Variants in EPB41L1 observed in about 807,000 individuals in gnomAD.
The protein encoded by EPB41L1 is erythrocyte membrane protein band 4.1 like 1.
A neutral mutation model predicts 97.8 loss-of-function variants in EPB41L1; 29 were observed. The observed-to-expected ratio is 0.30, with a 90% CI of 0.22 to 0.40. The LOEUF is 0.40. Among genes scored for constraint, EPB41L1 ranks in the 10% least tolerant of loss-of-function variants. EPB41L1 has a pLI of 1.00. For synonymous variants in EPB41L1, 383 were observed against 459.2 expected, an observed-to-expected ratio of 0.83 and a Z score of 2.12; for missense variants, 812 against 1,162.3, an observed-to-expected ratio of 0.70 and a Z score of 4.38.
chr20:36,125,434 T>G (rs1176844002), intron 2 of EPB41L1: 4 of 808,426 alleles, frequency 4.9e-6, no homozygotes, highest in Non-Finnish European at 8.3e-6. Flanking sequence ...CTGCTGTTCG[T>G]ACCTGCCTCA....
chr20:36,094,732 T>C (rs1326447651), intron 1 of EPB41L1, among the ~76,000 whole-genome samples: 1 of 152,152 alleles, frequency 6.6e-6, no homozygotes. Flanking sequence ...AAAGCTGAGC[T>C]TTCTGTCCCC....
At chr20:36,129,174 T>C (rs1163062943) in intron 2 of EPB41L1, among the ~76,000 whole-genome samples, 1 of 151,600 alleles carries the variant, frequency 6.6e-6, no homozygotes, top group Non-Finnish European at 1.5e-5. Flanking sequence ...CTGGGAGTGG[T>C]TTGGTTTGCG....
intron 21 of EPB41L1, among the ~76,000 whole-genome samples, chr20:36,223,223 G>A (rs999952323): frequency 5.3e-5 from 8 of 151,988 alleles, no homozygotes; most frequent in African/African-American, 1.9e-4. Flanking sequence ...CAGTAGAGAC[G>A]GGGTTTTACC....
chr20:36,130,663 C>A (rs1454906830), intron 2 of EPB41L1, among the ~76,000 whole-genome samples: 1 of 152,196 alleles, frequency 6.6e-6, no homozygotes, highest in African/African-American at 2.4e-5. Flanking sequence ...AAGGCTGTGG[C>A]TGCCTTAGAG....
chr20:36,206,416 G>A lies in EPB41L1; in HGVS notation c.1669-3072G>A. On this transcript the variant is annotated intron_variant, in intron 14 of 21. Coordinates refer to ENST00000338074, the MANE Select transcript of EPB41L1 (RefSeq NM_012156.2). This position sits in a 1 kb window ranked among gnomAD's most constrained non-coding sequence, Gnocchi z 5.5. Reference sequence around the variant, plus strand: ...GTTTCTATTGGATCCAGCCCACGCAGAAGCCAGAGCTGAGTTGAGCAATGA... The same window carrying A: ...GTTTCTATTGGATCCAGCCCACGCAAAAGCCAGAGCTGAGTTGAGCAATGA... The A allele has an allele frequency of 1.6e-6, 2 of 1,290,024 alleles. No homozygotes were observed. Among genetic ancestry groups the A allele is most frequent in the Non-Finnish European group, 2.0e-6 (2 of 988,918 alleles). The allele number at this position is 1,290,024 out of a possible 1,614,324, so 79.9% of individuals were successfully genotyped here. A position where few individuals can be genotyped will look rare whatever the true frequency, so the allele number is the denominator to read the frequency against.
In EPB41L1 at chr20:36,223,449, T is replaced by C. The variant is rs192162587; in HGVS notation, c.2637+1055T>C. On this transcript the variant is annotated intron_variant, in intron 21 of 21. Coordinates refer to ENST00000338074, the MANE Select transcript of EPB41L1 (RefSeq NM_012156.2). Reference sequence around the variant, plus strand: ...GTGAATAAGAGAAATAAGATGATGTTGGGGCAGATAGGGCTTTTAAGCAAC... The same window carrying C: ...GTGAATAAGAGAAATAAGATGATGTCGGGGCAGATAGGGCTTTTAAGCAAC... Among the ~76,000 whole-genome samples the C allele has an allele frequency of 7.5e-4, 115 of 152,330 alleles. 1 individual carries two copies. The highest frequency in any genetic ancestry group is 2.7e-3 in the African/African-American group (113 of 41,570).
intron 1 of EPB41L1, among the ~76,000 whole-genome samples, chr20:36,109,453 G>A (rs1173627285): frequency 6.6e-6 from 1 of 152,224 alleles, no homozygotes; most frequent in Admixed American, 6.5e-5. Flanking sequence ...GCATGCCTAA[G>A]CAGTCAAGTA....
chr20:36,127,907 C>A (rs1322570019), intron 2 of EPB41L1, among the ~76,000 whole-genome samples: 1 of 152,164 alleles, frequency 6.6e-6, no homozygotes, highest in Non-Finnish European at 1.5e-5. Context: ...ATTGTGCTCC[C>A]TGAAGCCTGT....
chr20:36,100,836 C>T (rs1236849137), intron 1 of EPB41L1, among the ~76,000 whole-genome samples: 2 of 152,194 alleles, frequency 1.3e-5, no homozygotes, highest in Non-Finnish European at 2.9e-5. Context: ...AATCTTCCCT[C>T]CCAGGCCTGC....
intron 1 of EPB41L1, among the ~76,000 whole-genome samples, chr20:36,100,279 C>G (rs552427560): frequency 6.6e-6 from 1 of 152,196 alleles, no homozygotes; most frequent in Non-Finnish European, 1.5e-5. Flanking sequence ...TTCCTTTCCT[C>G]CCTCCTCTTC....
At chr20:36,094,147 T>C (rs758147020) in intron 1 of EPB41L1, among the ~76,000 whole-genome samples, 4 of 152,234 alleles carry the variant, frequency 2.6e-5, no homozygotes, top group Non-Finnish European at 5.9e-5. Flanking sequence ...TACATTTGGG[T>C]GTATAGTGAA....
intron 2 of EPB41L1, among the ~76,000 whole-genome samples, chr20:36,142,278 T>G (rs1184465260): frequency 6.6e-6 from 1 of 152,204 alleles, no homozygotes; most frequent in Non-Finnish European, 1.5e-5. Flanking sequence ...TGCGTAGTAT[T>G]TCAGCATATG....
rs942059541 is a variant in EPB41L1 at position 36,207,045 on chromosome 20, C to T, written c.1669-2443C>T. The T allele has an allele frequency of 6.8e-5, 88 of 1,289,690 alleles. No individual in the cohort carries two copies. Among genetic ancestry groups the T allele is most frequent in the Non-Finnish European group, 7.6e-5 (75 of 988,860 alleles). 79.9% of individuals were successfully genotyped at this position (1,289,690 alleles called of 1,614,324 possible). A position where few individuals can be genotyped will look rare whatever the true frequency, so the allele number is the denominator to read the frequency against. ...AAGGAGGGGCTGAGCTGAAGGACCG[C>T]GAGGCTTCAGCATTTCTTCACATGG... On this transcript the variant is annotated intron_variant, in intron 14 of 21. Coordinates refer to ENST00000338074, the MANE Select transcript of EPB41L1 (RefSeq NM_012156.2). This position sits in a 1 kb window ranked among gnomAD's most constrained non-coding sequence, Gnocchi z 4.9.
At chr20:36,171,777 G>A (rs187843545) in intron 1 of EPB41L1, among the ~76,000 whole-genome samples, 77 of 152,312 alleles carry the variant, frequency 5.1e-4, no homozygotes, top group Middle Eastern at 3.4e-3. Flanking sequence ...CAGGGTGGAT[G>A]CTGTGTCTGT....
At position 36,212,190 on chromosome 20, in the gene EPB41L1, C is replaced by A; in HGVS notation, c.2080-82C>A. 1 of 1,334,318 alleles carries A rather than the reference C, an allele frequency of 7.5e-7. No individual in the cohort carries two copies. The highest frequency in any genetic ancestry group is 1.1e-6 in the Non-Finnish European group (1 of 928,154). 82.7% of individuals were successfully genotyped at this position (1,334,318 alleles called of 1,614,324 possible). A position where few individuals can be genotyped will look rare whatever the true frequency, so the allele number is the denominator to read the frequency against. On this transcript the variant is annotated intron_variant, in intron 15 of 21. Transcript: ENST00000338074. This position sits in a 1 kb window ranked among gnomAD's most constrained non-coding sequence, Gnocchi z 4.8. ...AGCTGTGGGGATAGGAGATAGCCTG[C>A]AGACACCACACTGCAATTGTCTGTG...
intron 2 of EPB41L1, among the ~76,000 whole-genome samples, chr20:36,114,819 G>C (rs1279574019): frequency 6.6e-6 from 1 of 152,142 alleles, no homozygotes; most frequent in Non-Finnish European, 1.5e-5. Flanking sequence ...CTGTTGCTGG[G>C]AGGATAGGAA....
At chr20:36,104,351 A>T (rs2058120322) in intron 1 of EPB41L1, among the ~76,000 whole-genome samples, 1 of 152,196 alleles carries the variant, frequency 6.6e-6, no homozygotes, top group Non-Finnish European at 1.5e-5. Context: ...AGGAGGCGGG[A>T]AAGAGCAGAG....
upstream of EPB41L1, among the ~76,000 whole-genome samples, chr20:36,153,257 A>G (rs565777362): frequency 5.2e-4 from 79 of 152,030 alleles, no homozygotes; most frequent in African/African-American, 1.9e-3. Context: ...ACCATGATGG[A>G]GCAGCACACT....
At chr20:36,156,506 C>T (rs1468864637) in intron 1 of EPB41L1, among the ~76,000 whole-genome samples, 2 of 152,156 alleles carry the variant, frequency 1.3e-5, no homozygotes, top group South Asian at 2.1e-4. Context: ...AGCAGCTGAG[C>T]GGGGGAGTCA....
Sources: allele counts gnomAD v4.1 joint callset (sites outside exome capture counted in the v4.1 genomes callset), GRCh38; gene constraint gnomAD v4.1.1; non-coding constraint Gnocchi (gnomAD v3.1); transcripts MANE v1.5; gene names NCBI Gene and HGNC (gene_info 2026-07-23, HGNC 2026-07-21).